CPEB3: variants seen among roughly 807,000 people sequenced by gnomAD.
CPEB3 encodes cytoplasmic polyadenylation element-binding protein 3.
CPEB3 carries 20 observed loss-of-function variants against 67.2 expected under a neutral mutation model. The observed-to-expected ratio is 0.30, with a 90% CI of 0.21 to 0.43. CPEB3 has a LOEUF of 0.43. Among genes scored for constraint, CPEB3 ranks in the 20% least tolerant of loss-of-function variants. The probability of loss-of-function intolerance (pLI) is 1.00; values close to 1 mark genes in which losing one functional copy is unlikely to be tolerated. For synonymous variants in CPEB3, 376 were observed against 393.1 expected, an observed-to-expected ratio of 0.96 and a Z score of 0.51; for missense variants, 746 against 968.6, an observed-to-expected ratio of 0.77 and a Z score of 3.05.
intron 6 of CPEB3, among the ~76,000 whole-genome samples, chr10:92,125,025 A>G (rs552520312): frequency 6.6e-6 from 1 of 152,338 alleles, no homozygotes; most frequent in South Asian, 2.1e-4. Flanking sequence ...CCATGCTGGT[A>G]TTGCATAAAC....
At chr10:92,124,877 A>C (rs1207250351) in intron 6 of CPEB3, among the ~76,000 whole-genome samples, 1 of 152,254 alleles carries the variant, frequency 6.6e-6, no homozygotes, top group Non-Finnish European at 1.5e-5. Flanking sequence ...ACTGCAGCCC[A>C]CTGCAGCTCC....
intron 1 of CPEB3, among the ~76,000 whole-genome samples, chr10:92,273,589 T>C (rs181013721): frequency 6.6e-6 from 1 of 152,314 alleles, no homozygotes; most frequent in Admixed American, 6.5e-5. Flanking sequence ...TTCTCTTCTA[T>C]CAATTCATTC....
At chr10:92,179,027 A>T (rs1564841262) in intron 4 of CPEB3, among the ~76,000 whole-genome samples, 1 of 152,102 alleles carries the variant, frequency 6.6e-6, no homozygotes, top group Non-Finnish European at 1.5e-5. Context: ...AGATTGATGC[A>T]CTCTGATATC....
At chr10:92,221,878 A>G (rs1464146627) in intron 2 of CPEB3, among the ~76,000 whole-genome samples, 1 of 152,202 alleles carries the variant, frequency 6.6e-6, no homozygotes, top group African/African-American at 2.4e-5. Context: ...CCCTTCTGCC[A>G]TGTGAGGACA....
chr10:92,215,114 C>T (rs978201697), intron 2 of CPEB3, among the ~76,000 whole-genome samples: 1 of 151,038 alleles, frequency 6.6e-6, no homozygotes, highest in Admixed American at 6.6e-5. Flanking sequence ...ACCCAAAGTG[C>T]TGGCATCACA....
chr10:92,062,648 T>G (rs562655437), intron 9 of CPEB3, among the ~76,000 whole-genome samples: 2 of 152,366 alleles, frequency 1.3e-5, no homozygotes, highest in East Asian at 3.8e-4. Flanking sequence ...CCATCTATAC[T>G]ATTACCTAAT....
chr10:92,139,106 C>T (rs1401176853), intron 6 of CPEB3, among the ~76,000 whole-genome samples: 2 of 151,848 alleles, frequency 1.3e-5, no homozygotes, highest in Non-Finnish European at 2.9e-5. Flanking sequence ...GAAGAAACCC[C>T]ATCTCTACTA....
chr10:92,169,359 G>A (rs1352681186), intron 4 of CPEB3, among the ~76,000 whole-genome samples: 3 of 151,854 alleles, frequency 2.0e-5, no homozygotes, highest in South Asian at 2.1e-4. Context: ...AGCTGGTCTC[G>A]AGCTCCTGAC....
intron 6 of CPEB3, among the ~76,000 whole-genome samples, chr10:92,141,614 T>C (rs1347372668): frequency 2.6e-5 from 4 of 151,472 alleles, no homozygotes; most frequent in Admixed American, 2.6e-4. Context: ...ACATGTACCC[T>C]AAAACTTAAA....
intron 9 of CPEB3, among the ~76,000 whole-genome samples, chr10:92,058,631 C>G (rs1022393901): frequency 6.6e-6 from 1 of 150,612 alleles, no homozygotes; most frequent in African/African-American, 2.4e-5. Flanking sequence ...TATATACACC[C>G]AACACTGGAG....
intron 6 of CPEB3, among the ~76,000 whole-genome samples, chr10:92,141,194 C>A (rs1273963496): frequency 7.0e-6 from 1 of 141,850 alleles, no homozygotes; most frequent in African/African-American, 2.6e-5. Flanking sequence ...ATGTTTATTG[C>A]GGCACTATTC....
chr10:92,154,971 T>G (rs1420720579), intron 4 of CPEB3, among the ~76,000 whole-genome samples: 1 of 152,142 alleles, frequency 6.6e-6, no homozygotes, highest in African/African-American at 2.4e-5. Context: ...TCCCAGCACG[T>G]TGGGAGATGG....
intron 6 of CPEB3, chr10:92,118,955 G>C (rs1425837318): frequency 2.2e-6 from 3 of 1,358,474 alleles, no homozygotes; most frequent in Non-Finnish European, 3.2e-6. Flanking sequence ...GTCTTATTTG[G>C]AGCTGGTGAA....
chr10:92,246,273 G>A (rs560163005), intron 1 of CPEB3, among the ~76,000 whole-genome samples: 20 of 151,088 alleles, frequency 1.3e-4, no homozygotes, highest in Middle Eastern at 3.4e-3. Context: ...GGCGGAGCTT[G>A]CAGTGAGCCA....
intron 6 of CPEB3, among the ~76,000 whole-genome samples, chr10:92,139,420 C>G (rs1846282684): frequency 6.6e-6 from 1 of 151,666 alleles, no homozygotes; most frequent in African/African-American, 2.4e-5. Flanking sequence ...GAAAAATAAG[C>G]CAGGCACAGA....
intron 3 of CPEB3, among the ~76,000 whole-genome samples, chr10:92,184,551 G>A (rs1209929537): frequency 6.6e-6 from 1 of 152,136 alleles, no homozygotes; most frequent in Non-Finnish European, 1.5e-5. Flanking sequence ...GTTGCAGTGA[G>A]CCGAGATCGT....
chr10:92,196,778 A>T (rs1376707375), intron 2 of CPEB3, among the ~76,000 whole-genome samples: 5 of 151,802 alleles, frequency 3.3e-5, no homozygotes, highest in Non-Finnish European at 5.9e-5. Context: ...AAAAAAAAAA[A>T]AAAATTAGCC....
Position 92,279,244 on chromosome 10 carries a change from C to T in CPEB3, c.-12+11682G>A, listed in dbSNP as rs568645678. Among the ~76,000 whole-genome samples, 132 of 152,294 alleles carry T rather than the reference C, an allele frequency of 8.7e-4. 1 individual carries two copies. Among genetic ancestry groups the T allele is most frequent in the Non-Finnish European group, 1.6e-3 (112 of 68,020 alleles). On this transcript the variant is annotated intron_variant, in intron 1 of 9. Coordinates refer to ENST00000265997, the MANE Select transcript of CPEB3 (RefSeq NM_014912.5). ...TCCTGAGTGGTCTTTTTCTCTTCCT[C>T]TTACAAGCAAGCTGCAATTGGAAAT...
At chr10:92,142,199 T>G (rs1457734562) in intron 6 of CPEB3, among the ~76,000 whole-genome samples, 1 of 152,136 alleles carries the variant, frequency 6.6e-6, no homozygotes, top group Non-Finnish European at 1.5e-5. Flanking sequence ...AGCTATAATT[T>G]GATTCATTTA....
Sources: allele counts gnomAD v4.1 joint callset (sites outside exome capture counted in the v4.1 genomes callset), GRCh38; gene constraint gnomAD v4.1.1; transcripts MANE v1.5; gene names NCBI Gene and HGNC (gene_info 2026-07-23, HGNC 2026-07-21).